GLIS3: variants seen among roughly 807,000 people sequenced by gnomAD.
GLIS3 encodes the protein zinc finger protein GLIS3.
Under a neutral mutation model 78.6 loss-of-function variants are expected in GLIS3, and 53 were observed. The ratio of observed to expected loss-of-function variants is 0.67; its 90% CI spans 0.54 to 0.85. GLIS3 has a LOEUF of 0.85. Ranked by LOEUF, GLIS3 falls within the 40% of genes least tolerant of loss-of-function variation. GLIS3 has a pLI of 0.00. For missense variants in GLIS3, 1,703 were observed against 1,231.1 expected, an observed-to-expected ratio of 1.38 and a Z score of -5.74; for synonymous variants, 684 against 509.9, an observed-to-expected ratio of 1.34 and a Z score of -4.60.
chr9:3,849,635 C>T (rs922902019), intron 9 of GLIS3, among the ~76,000 whole-genome samples: 2 of 152,020 alleles, frequency 1.3e-5, no homozygotes, highest in Non-Finnish European at 2.9e-5. Context: ...AGGCTAAGGG[C>T]GGTGGCTCAT....
In GLIS3 at chr9:4,186,984, A is replaced by C. The variant is rs139746420; in HGVS notation, c.389-61043T>G. Reference sequence around the variant, plus strand: ...GACGGTAGTTTCTTTTGCTGTGCAGAAGCTCTTTAGTTTAATTAGATCCCA... The same window carrying C: ...GACGGTAGTTTCTTTTGCTGTGCAGCAGCTCTTTAGTTTAATTAGATCCCA... On this transcript the variant is annotated intron_variant, in intron 2 of 10. Transcript: ENST00000381971. Among the ~76,000 whole-genome samples, 98 of 152,262 alleles carry C rather than the reference A, an allele frequency of 6.4e-4. 1 individual carries two copies. In the East Asian group the frequency reaches 0.018, roughly 28 times the overall value.
the GLIS3 span, among the ~76,000 whole-genome samples, chr9:4,449,915 T>A: frequency 6.6e-6 from 1 of 151,982 alleles, no homozygotes; most frequent in African/African-American, 2.4e-5. Context: ...ACCTGAAAAT[T>A]CTAAAAACCA....
At chr9:3,987,281 A>T (rs567739695) in intron 4 of GLIS3, among the ~76,000 whole-genome samples, 72 of 152,298 alleles carry the variant, frequency 4.7e-4, no homozygotes, top group Non-Finnish European at 9.7e-4. Flanking sequence ...TCAACAAAAA[A>T]GGCAAACATA....
Position 4,241,987 on chromosome 9 carries a change from T to C in GLIS3, c.388+44051A>G, listed in dbSNP as rs576662352. ...GCATCGGCCACCGTGCCTGGCCCCA[T>C]AGCACATTTGCTTTAATACAGAAAT... On this transcript the variant is annotated intron_variant, in intron 2 of 10. Coordinates refer to ENST00000381971, the MANE Select transcript of GLIS3 (RefSeq NM_001042413.2). Among the ~76,000 whole-genome samples the C allele has an allele frequency of 3.9e-5, 6 of 152,318 alleles. No individual in the cohort carries two copies. The East Asian group carries it at 5.8e-4, about 15-fold the overall frequency.
the GLIS3 span, among the ~76,000 whole-genome samples, chr9:4,387,223 G>T: frequency 6.6e-6 from 1 of 152,148 alleles, no homozygotes; most frequent in African/African-American, 2.4e-5. Context: ...GTCTTAGCAT[G>T]AGCAATTCTA....
chr9:4,140,195 G>A (rs566760942), intron 2 of GLIS3, among the ~76,000 whole-genome samples: 17 of 152,204 alleles, frequency 1.1e-4, no homozygotes, highest in East Asian at 7.7e-4. Flanking sequence ...ATGGTGGCGC[G>A]TGCCTATAAT....
chr9:4,104,031 G>C (rs1038931283), intron 4 of GLIS3, among the ~76,000 whole-genome samples: 1 of 152,056 alleles, frequency 6.6e-6, no homozygotes, highest in African/African-American at 2.4e-5. Flanking sequence ...CTCAACGATG[G>C]AATACAGGGT....
At chr9:3,917,017 A>G (rs1432485450) in intron 6 of GLIS3, among the ~76,000 whole-genome samples, 1 of 152,218 alleles carries the variant, frequency 6.6e-6, no homozygotes, top group African/African-American at 2.4e-5. Flanking sequence ...GTTGGTCCTT[A>G]GCTTACAAAC....
At chr9:4,022,936 G>T (rs1208324734) in intron 4 of GLIS3, among the ~76,000 whole-genome samples, 1 of 152,196 alleles carries the variant, frequency 6.6e-6, no homozygotes, top group Non-Finnish European at 1.5e-5. Context: ...GGATAAAAAA[G>T]AGACATGAGG....
the GLIS3 span, among the ~76,000 whole-genome samples, chr9:4,426,683 A>G: frequency 2.6e-5 from 4 of 152,220 alleles, no homozygotes; most frequent in Non-Finnish European, 5.9e-5. Context: ...TGAACCTTTG[A>G]GGTCTGAAAC....
At chr9:4,163,199 G>C (rs1258067560) in intron 2 of GLIS3, among the ~76,000 whole-genome samples, 3 of 152,236 alleles carry the variant, frequency 2.0e-5, no homozygotes, top group African/African-American at 7.2e-5. Context: ...GTCCATAGCT[G>C]CTGCCTCATT....
intron 4 of GLIS3, among the ~76,000 whole-genome samples, chr9:4,094,458 C>T (rs1829782934): frequency 6.6e-6 from 1 of 152,100 alleles, no homozygotes; most frequent in Non-Finnish European, 1.5e-5. Context: ...AGGTTACGTG[C>T]CAGTGCTATA....
intron 9 of GLIS3, among the ~76,000 whole-genome samples, chr9:3,847,696 G>C (rs1819146288): frequency 6.6e-6 from 1 of 152,184 alleles, no homozygotes; most frequent in Non-Finnish European, 1.5e-5. Context: ...ACAAAACTCA[G>C]CATGTTGAAA....
intron 6 of GLIS3, among the ~76,000 whole-genome samples, chr9:3,901,527 A>G (rs1225919117): frequency 1.3e-5 from 2 of 152,224 alleles, no homozygotes; most frequent in Non-Finnish European, 2.9e-5. Flanking sequence ...AATGACGATG[A>G]CCAAATTCTG....
intron 4 of GLIS3, among the ~76,000 whole-genome samples, chr9:4,036,278 T>G (rs567557985): frequency 1.6e-4 from 24 of 152,340 alleles, no homozygotes; most frequent in Non-Finnish European, 2.9e-4. Context: ...ATCTCTTTTT[T>G]TTTTCTCTCA....
intron 1 of GLIS3, among the ~76,000 whole-genome samples, chr9:4,296,715 G>A (rs550051137): frequency 6.6e-6 from 1 of 151,802 alleles, no homozygotes; most frequent in African/African-American, 2.4e-5. Context: ...TTCTGGGCAA[G>A]AAAAGAAAGC....
chr9:4,191,649 C>T (rs1461116836), intron 2 of GLIS3, among the ~76,000 whole-genome samples: 1 of 152,102 alleles, frequency 6.6e-6, no homozygotes, highest in Non-Finnish European at 1.5e-5. Flanking sequence ...GATACAGAGC[C>T]TGGCCTTCTG....
chr9:4,165,528 T>C lies in GLIS3; in HGVS notation c.389-39587A>G, dbSNP rs539681100. ...TTATTTGTTTACAGATAAATGCTTA[T>C]GAAAAATAGTTTCTACTATCCAGAC... is the stretch of plus-strand genomic sequence containing the variant. On this transcript the variant is annotated intron_variant, in intron 2 of 10. Coordinates refer to ENST00000381971, the MANE Select transcript of GLIS3 (RefSeq NM_001042413.2). 3.3e-4 allele frequency among the ~76,000 whole-genome samples: 50 copies of C among 152,350 alleles called. No individual in the cohort carries two copies. In the South Asian group the frequency reaches 9.7e-3, roughly 30 times the overall value.
the GLIS3 span, among the ~76,000 whole-genome samples, chr9:4,440,308 T>C: frequency 1.3e-5 from 2 of 152,334 alleles, no homozygotes; most frequent in South Asian, 2.1e-4. Flanking sequence ...TTTCTTATAG[T>C]AGTTTCATCA....
Sources: allele counts gnomAD v4.1 joint callset (sites outside exome capture counted in the v4.1 genomes callset), GRCh38; gene constraint gnomAD v4.1.1; transcripts MANE v1.5; gene names NCBI Gene and HGNC (gene_info 2026-07-23, HGNC 2026-07-21).